RTTN: variants seen among roughly 807,000 people sequenced by gnomAD.
RTTN encodes rotatin.
Under a neutral mutation model 269.2 loss-of-function variants are expected in RTTN, and 182 were observed. The observed-to-expected ratio is 0.68, with a 90% CI of 0.60 to 0.76. The LOEUF is 0.76. Among genes scored for constraint, RTTN ranks in the 30% least tolerant of loss-of-function variants. The pLI is 0.00. For synonymous variants in RTTN, 1,006 were observed against 963.5 expected (o/e 1.04, Z -0.82); for missense variants, 2,545 against 2,608.6 (o/e 0.98, Z 0.53).
chr18:70,179,484 ATTGTT>A (rs757148353), intron 10 of RTTN, among the ~76,000 whole-genome samples: 11 of 152,164 alleles, frequency 7.2e-5, no homozygotes, highest in African/African-American at 2.4e-4. Context: ...GGCTTTTTGT[ATTGTT>A]TTGTTTTGTT....
chr18:70,195,350 C>T (rs1382711026), intron 7 of RTTN, among the ~76,000 whole-genome samples: 1 of 152,254 alleles, frequency 6.6e-6, no homozygotes, highest in Non-Finnish European at 1.5e-5. Flanking sequence ...TACCCAACCA[C>T]GTTGTGTCAC....
intron 38 of RTTN, among the ~76,000 whole-genome samples, chr18:70,052,829 AC>A (rs528456405): frequency 1.6e-4 from 25 of 152,156 alleles, no homozygotes; most frequent in Non-Finnish European, 3.4e-4. Flanking sequence ...ATATGAGAAA[AC>A]AATTTTTAAT....
At chr18:70,051,601 C>G in intron 38 of RTTN, 53 bp from the exon 39 acceptor site, 1 of 1,397,596 alleles carries the variant, frequency 7.2e-7, no homozygotes, top group South Asian at 1.3e-5. Flanking sequence ...AGGAAAAGAA[C>G]CTTTCAAGAT....
intron 36 of RTTN, among the ~76,000 whole-genome samples, chr18:70,058,432 C>T (rs370143024): frequency 2.6e-5 from 4 of 152,072 alleles, no homozygotes; most frequent in African/African-American, 7.2e-5. Flanking sequence ...ACAGGAGAAT[C>T]GCTTGAACCC....
intron 14 of RTTN, among the ~76,000 whole-genome samples, chr18:70,164,162 C>T (rs931769179): frequency 9.2e-5 from 14 of 151,632 alleles, no homozygotes; most frequent in Non-Finnish European, 1.6e-4. Context: ...TGTACTTATG[C>T]CACTGAATTG....
chr18:70,158,760 G>A (rs1217778818), intron 14 of RTTN, among the ~76,000 whole-genome samples: 1 of 152,088 alleles, frequency 6.6e-6, no homozygotes, highest in African/African-American at 2.4e-5. Context: ...GATCTATCCA[G>A]CAAACAGAAA....
chr18:70,153,828 A>C (rs1338654584), intron 14 of RTTN, among the ~76,000 whole-genome samples: 1 of 152,206 alleles, frequency 6.6e-6, no homozygotes, highest in African/African-American at 2.4e-5. Flanking sequence ...TTTGACTTGG[A>C]TTATTATAAC....
chr18:70,172,370 A>G (rs1279638984), intron 11 of RTTN, among the ~76,000 whole-genome samples: 1 of 152,198 alleles, frequency 6.6e-6, no homozygotes, highest in Non-Finnish European at 1.5e-5. Context: ...CTTTAAAGGC[A>G]AAAAGTTTCA....
At chr18:70,116,416 GAA>G (rs2059603987) in intron 26 of RTTN, among the ~76,000 whole-genome samples, 5 of 152,036 alleles carry the variant, frequency 3.3e-5, no homozygotes, top group South Asian at 4.1e-4. Context: ...GAAGATTACT[GAA>G]GTTTTTTTTT....
intron 9 of RTTN, among the ~76,000 whole-genome samples, chr18:70,189,249 C>A (rs1397218049): frequency 6.6e-6 from 1 of 152,148 alleles, no homozygotes; most frequent in Non-Finnish European, 1.5e-5. Flanking sequence ...ATAGTTCCAG[C>A]TAGTAGAAGC....
At chr18:70,159,322 C>T (rs2060766052) in intron 14 of RTTN, among the ~76,000 whole-genome samples, 1 of 152,134 alleles carries the variant, frequency 6.6e-6, no homozygotes. Context: ...ACTTAAACAA[C>T]CTGCACCTGA....
intron 34 of RTTN, among the ~76,000 whole-genome samples, chr18:70,066,458 C>G (rs933446489): frequency 1.1e-4 from 16 of 152,100 alleles, no homozygotes; most frequent in Non-Finnish European, 2.1e-4. Flanking sequence ...ATAACAAAAT[C>G]CGTGGAAAGC....
intron 32 of RTTN, among the ~76,000 whole-genome samples, chr18:70,081,875 T>C (rs1200630652): frequency 1.3e-5 from 2 of 152,082 alleles, no homozygotes; most frequent in South Asian, 2.1e-4. Context: ...TGTAAGAGGA[T>C]ATCCTTATTT....
At chr18:70,047,658 G>A (rs1449481263) in intron 40 of RTTN, among the ~76,000 whole-genome samples, 1 of 152,070 alleles carries the variant, frequency 6.6e-6, no homozygotes, top group African/African-American at 2.4e-5. Flanking sequence ...AACCATAACT[G>A]CATTTCTGAA....
At chr18:70,104,449 T>C (rs1354926832) in intron 28 of RTTN, among the ~76,000 whole-genome samples, 1 of 152,196 alleles carries the variant, frequency 6.6e-6, no homozygotes, top group Non-Finnish European at 1.5e-5. Flanking sequence ...TCCTTTAGCT[T>C]GGAGAAGTTT....
rs2060978637 is a variant in RTTN, at chr18:70,166,110, C to T, written c.1881G>A (p.Leu627=). 6.2e-7 allele frequency: 1 copy of T among 1,613,580 alleles called. No homozygotes were observed. The highest frequency in any genetic ancestry group is 1.3e-5 in the African/African-American group (1 of 74,926). Residue 627 remains leucine, a synonymous_variant, in exon 14 of 49, where the codon TTG becomes TTA. Coordinates refer to ENST00000640769, the MANE Select transcript of RTTN (RefSeq NM_173630.4). ...KVLLHMLSHP[L]PRVKAETYHC... ...GGTAAGTTTCAGCTTTCACTCGTGG[C>T]AATGGGTGAGACAACATATGGAGAA...
chr18:70,080,736 G>A (rs1178733661), intron 32 of RTTN, among the ~76,000 whole-genome samples: 2 of 152,116 alleles, frequency 1.3e-5, no homozygotes, highest in African/African-American at 4.8e-5. Context: ...ATTTCTTAAA[G>A]AACTAAAAGT....
At chr18:70,093,031 C>T (rs111898588) in intron 28 of RTTN, among the ~76,000 whole-genome samples, 119 of 152,104 alleles carry the variant, frequency 7.8e-4, no homozygotes, top group African/African-American at 2.5e-3. Context: ...TAGCAAGACC[C>T]AGTCTACTTT....
intron 3 of RTTN, 148 bp downstream of exon 3, chr18:70,203,937 GA>G: frequency 2.6e-5 from 17 of 653,934 alleles, no homozygotes; most frequent in East Asian, 2.9e-5. Context: ...TAGAGGAGGG[GA>G]AAAAGGTCAA....
Sources: allele counts gnomAD v4.1 joint callset (sites outside exome capture counted in the v4.1 genomes callset), GRCh38; gene constraint gnomAD v4.1.1; transcripts MANE v1.5; gene names NCBI Gene and HGNC (gene_info 2026-07-23, HGNC 2026-07-21).